MORN3: variants seen among roughly 807,000 people sequenced by gnomAD.
MORN3 encodes the protein MORN repeat-containing protein 3.
Under a neutral mutation model 34.7 loss-of-function variants are expected in MORN3, and 38 were observed. The observed-to-expected ratio is 1.10, with a 90% CI of 0.85 to 1.44. MORN3 has a LOEUF of 1.44. Ranked by LOEUF, MORN3 falls within the 40% of genes most tolerant of loss-of-function variation. The pLI, the probability that MORN3 is intolerant of heterozygous loss-of-function variation, is 0.00. For synonymous variants in MORN3, 109 were observed against 115.3 expected (o/e 0.95, Z 0.35); for missense variants, 311 against 321.7 (o/e 0.97, Z 0.25).
At chr12:121,664,549 G>C (rs991936117) in intron 1 of MORN3, among the ~76,000 whole-genome samples, 2 of 152,104 alleles carry the variant, frequency 1.3e-5, no homozygotes, top group Non-Finnish European at 1.5e-5. Context: ...ACTTGAGGTC[G>C]GGAGTTCGAG....
intron 1 of MORN3, among the ~76,000 whole-genome samples, chr12:121,666,078 C>T (rs1287944815): frequency 6.6e-6 from 1 of 151,978 alleles, no homozygotes; most frequent in African/African-American, 2.4e-5. Context: ...ACTTGTAATC[C>T]CAGAACTTTG....
chr12:121,671,405 CA>C (rs58115284), upstream of MORN3, among the ~76,000 whole-genome samples: 174 of 126,174 alleles, frequency 1.4e-3, no homozygotes, highest in African/African-American at 2.4e-3. Flanking sequence ...GACTCCATCT[CA>C]AAAAAAAAAA....
rs752827850 is a variant in MORN3 at position 121,659,357 on chromosome 12, A to G, written c.146-9T>C. 3 of 1,613,446 alleles carry G rather than the reference A, an allele frequency of 1.9e-6. No individual in the cohort carries two copies. The South Asian group carries it at 3.3e-5, about 18-fold the overall frequency. ...GACCTGTGTTCCTTTCCCTGGTGACACACAGATGGGCAATGCTGCAGACAT... is the reference window on the plus strand; with the variant it reads ...GACCTGTGTTCCTTTCCCTGGTGACGCACAGATGGGCAATGCTGCAGACAT... On this transcript the variant is annotated splice_polypyrimidine_tract_variant and intron_variant, in intron 1 of 5. Transcript: ENST00000355329.
At chr12:121,660,079 C>G (rs1449087710) in intron 1 of MORN3, among the ~76,000 whole-genome samples, 1 of 151,092 alleles carries the variant, frequency 6.6e-6, no homozygotes, top group Admixed American at 6.6e-5. Flanking sequence ...ACTAAAAATA[C>G]AAAAATTAGC....
chr12:121,669,224 G>A (rs1056177592), intron 1 of MORN3, 115 bp downstream of exon 1: 7 of 1,398,166 alleles, frequency 5.0e-6, no homozygotes, highest in Admixed American at 3.6e-5. Context: ...CACCCTGGGG[G>A]AGCCTTGGGG....
upstream of MORN3, chr12:121,672,460 GA>G (rs200781675): frequency 1.2e-4 from 18 of 149,836 alleles, no homozygotes; most frequent in Middle Eastern, 3.4e-3. Context: ...TGTCTCAAGG[GA>G]AAAAAAAACA....
chr12:121,659,465 C>A, intron 1 of MORN3, 117 bp from the exon 2 acceptor site: 1 of 974,244 alleles, frequency 1.0e-6, no homozygotes, highest in Admixed American at 2.4e-5. Context: ...GGGACAGGCT[C>A]TGCGCATCAT....
chr12:121,669,519 A>G lies in MORN3; in HGVS notation c.-36T>C. The G allele has an allele frequency of 6.2e-7, 1 of 1,610,328 alleles. No individual in the cohort carries two copies. Among genetic ancestry groups the G allele is most frequent in the Non-Finnish European group, 8.5e-7 (1 of 1,177,792 alleles). On this transcript the variant is annotated 5_prime_UTR_variant, in exon 1 of 6. Transcript: ENST00000355329. ...TCTGCAAGGCTGGAGGGTGCTGGAA[A>G]GGGGTTAGGGACATCTGGGGCTCAG...
chr12:121,656,655 G>C (rs1774650371), intron 2 of MORN3, among the ~76,000 whole-genome samples: 1 of 152,010 alleles, frequency 6.6e-6, no homozygotes, highest in Non-Finnish European at 1.5e-5. Flanking sequence ...GGGACTACAG[G>C]TACACACCAC....
chr12:121,660,670 C>CT (rs780680002), intron 1 of MORN3, among the ~76,000 whole-genome samples: 23,155 of 120,598 alleles, frequency 0.19, 2,137 homozygotes, highest in South Asian at 0.34. Flanking sequence ...TTCTTTCTTT[C>CT]TTTTTTTTTT....
At chr12:121,656,225 C>T (rs903606455) in intron 2 of MORN3, among the ~76,000 whole-genome samples, 2 of 152,134 alleles carry the variant, frequency 1.3e-5, no homozygotes, top group Non-Finnish European at 2.9e-5. Context: ...TTTTACATCT[C>T]GTTCCCTTTG....
chr12:121,659,131 ACG>A lies in MORN3; in HGVS notation c.303+58_303+59del, dbSNP rs909737507. 72 of 1,406,146 alleles carry A rather than the reference ACG, an allele frequency of 5.1e-5. No individual in the cohort carries two copies. In the Admixed American group the frequency reaches 5.6e-4, roughly 11 times the overall value. 87.1% of individuals were successfully genotyped at this position (1,406,146 alleles called of 1,614,324 possible). The stretch of plus-strand genomic sequence containing the variant: ...CTCTCTCGGCTTCCCCTAAACACAC[ACG>A]CGCGCACACACACACACACACACAC... On this transcript the variant is annotated intron_variant, in intron 2 of 5. Transcript: ENST00000355329.
At position 121,654,268 on chromosome 12, in the gene MORN3, A is replaced by G; in HGVS notation, c.463+6T>C. The G allele has an allele frequency of 1.9e-6, 3 of 1,548,278 alleles. No individual in the cohort carries two copies. Among genetic ancestry groups the G allele is most frequent in the East Asian group, 2.3e-5 (1 of 42,586 alleles). On this transcript the variant is annotated splice_donor_region_variant and intron_variant, in intron 3 of 5. Transcript: ENST00000355329. ...TGGGCGGGGCCGGCGGGGGTGGGGC[A>G]CTCACTCAGGCGCAGCATGCCCTCC...
intron 1 of MORN3, among the ~76,000 whole-genome samples, chr12:121,666,219 G>C (rs1225916897): frequency 1.3e-5 from 2 of 151,656 alleles, no homozygotes; most frequent in South Asian, 4.2e-4. Flanking sequence ...ACGGGGTCTC[G>C]CTATATTGCC....
intron 1 of MORN3, among the ~76,000 whole-genome samples, chr12:121,663,086 T>G (rs1893634177): frequency 6.6e-6 from 1 of 152,138 alleles, no homozygotes; most frequent in African/African-American, 2.4e-5. Context: ...TACTTGAAAT[T>G]TGCTAAGAGA....
intron 1 of MORN3, among the ~76,000 whole-genome samples, chr12:121,666,003 A>G (rs1185034831): frequency 6.6e-6 from 1 of 151,982 alleles, no homozygotes; most frequent in Non-Finnish European, 1.5e-5. Context: ...CACAGGACAC[A>G]GTGAGGCAAA....
At chr12:121,654,466 C>T (rs1555325516) in intron 2 of MORN3, 33 bp from the exon 3 acceptor site, 2 of 1,532,016 alleles carry the variant, frequency 1.3e-6, no homozygotes, top group Non-Finnish European at 1.8e-6. Flanking sequence ...ACTCAGGGCG[C>T]CCCCCAACAC....
Position 121,669,448 on chromosome 12 carries a change from G to C in MORN3, c.36C>G (p.Ser12=). The change falls in exon 1 of 6, where the codon TCC becomes TCG. Residue 12 remains serine, a synonymous_variant. Transcript: ENST00000355329. ...PVSKCPKKSE[S]LWKGWDRKAQ... Reference sequence around the variant, plus strand: ...CCTTCCGGTCCCACCCCTTCCACAGGGACTCCGACTTTTTTGGGCACTTAG... The same window carrying C: ...CCTTCCGGTCCCACCCCTTCCACAGCGACTCCGACTTTTTTGGGCACTTAG... The C allele has an allele frequency of 1.2e-6, 2 of 1,613,990 alleles. No homozygotes were observed. Among genetic ancestry groups the C allele is most frequent in the Non-Finnish European group, 1.7e-6 (2 of 1,179,910 alleles).
In MORN3 at chr12:121,659,366, G is replaced by T; in HGVS notation, c.146-18C>A. ...TCCTTTCCCTGGTGACACACAGATG[G>T]GCAATGCTGCAGACATGGCCGCCGG... On this transcript the variant is annotated intron_variant, in intron 1 of 5. Coordinates refer to ENST00000355329, the MANE Select transcript of MORN3 (RefSeq NM_173855.5). The T allele has an allele frequency of 6.2e-7, 1 of 1,612,688 alleles. No homozygotes were observed. The highest frequency in any genetic ancestry group is 8.5e-7 in the Non-Finnish European group (1 of 1,178,984).
Sources: gnomAD v4.1 joint callset for allele counts (sites outside exome capture counted in the v4.1 genomes callset) on GRCh38, gnomAD v4.1.1 for gene constraint, MANE v1.5 for transcripts, NCBI Gene and HGNC (gene_info 2026-07-23, HGNC 2026-07-21) for gene names.